ANKFN1: variants seen among roughly 807,000 people sequenced by gnomAD.
ANKFN1 encodes the protein ankyrin repeat and fibronectin type-III domain-containing protein 1.
Under a neutral mutation model 108.7 loss-of-function variants are expected in ANKFN1, and 74 were observed. That is an observed-to-expected ratio of 0.68 (90% confidence interval 0.56 to 0.83). The LOEUF (loss-of-function observed/expected upper bound fraction) is 0.83. ANKFN1 is among the 40% of genes least tolerant of loss of function. The pLI, the probability that ANKFN1 is intolerant of heterozygous loss-of-function variation, is 0.00. For synonymous variants in ANKFN1, 547 were observed against 516.2 expected (o/e 1.06, Z -0.81); for missense variants, 1,505 against 1,382.3 (o/e 1.09, Z -1.41).
chr17:56,197,234 A>G (rs1913603844), intron 1 of ANKFN1, among the ~76,000 whole-genome samples: 1 of 152,192 alleles, frequency 6.6e-6, no homozygotes, highest in Non-Finnish European at 1.5e-5. Context: ...TTATAAAAAC[A>G]CAGACCTATC....
chr17:56,500,133 C>G (rs2051321893), intron 20 of ANKFN1, among the ~76,000 whole-genome samples: 1 of 152,130 alleles, frequency 6.6e-6, no homozygotes, highest in Non-Finnish European at 1.5e-5. Flanking sequence ...GAGAATAATA[C>G]CTATACCTTG....
chr17:56,397,630 T>A (rs1275811222), intron 8 of ANKFN1, among the ~76,000 whole-genome samples: 1 of 152,198 alleles, frequency 6.6e-6, no homozygotes, highest in Non-Finnish European at 1.5e-5. Context: ...TTCTATACAG[T>A]GTGTTAACTA....
intron 20 of ANKFN1, among the ~76,000 whole-genome samples, chr17:56,500,783 A>T (rs2051344088): frequency 6.6e-6 from 1 of 152,210 alleles, no homozygotes; most frequent in Non-Finnish European, 1.5e-5. Context: ...AAAACTATAT[A>T]TTTACTGGCC....
chr17:56,459,432 A>G (rs1015206277), intron 14 of ANKFN1, among the ~76,000 whole-genome samples: 1 of 152,032 alleles, frequency 6.6e-6, no homozygotes, highest in Non-Finnish European at 1.5e-5. Context: ...TTGATTGCAT[A>G]ATCTTCTCTT....
At chr17:56,159,103 A>G (rs1477671852) in intron 1 of ANKFN1, among the ~76,000 whole-genome samples, 1 of 151,790 alleles carries the variant, frequency 6.6e-6, no homozygotes, top group Non-Finnish European at 1.5e-5. Context: ...GAGGAAGAAG[A>G]AGTAGAAGAA....
At chr17:56,228,033 C>T in intron 3 of ANKFN1, 76 bp downstream of exon 3, 1 of 1,237,664 alleles carries the variant, frequency 8.1e-7, no homozygotes, top group African/African-American at 1.5e-5. Context: ...TTTAAGGCTC[C>T]CATCTCACAT....
chr17:56,256,366 C>A (rs1316872888), intron 3 of ANKFN1, among the ~76,000 whole-genome samples: 3 of 152,166 alleles, frequency 2.0e-5, no homozygotes, highest in African/African-American at 7.2e-5. Flanking sequence ...TTCCTCATGG[C>A]AGACAAAAGC....
chr17:56,226,659 G>A (rs79525402), intron 2 of ANKFN1, among the ~76,000 whole-genome samples: 420 of 152,204 alleles, frequency 2.8e-3, no homozygotes, highest in Non-Finnish European at 5.0e-3. Context: ...TTTATCATAT[G>A]TTCTTAATTT....
At chr17:56,181,788 A>G (rs1911701507) in intron 1 of ANKFN1, among the ~76,000 whole-genome samples, 1 of 152,010 alleles carries the variant, frequency 6.6e-6, no homozygotes, top group South Asian at 2.1e-4. Flanking sequence ...GCCTTGTTTT[A>G]TTGTGCTTTG....
At chr17:56,478,724 GA>G (rs143829540) in intron 16 of ANKFN1, among the ~76,000 whole-genome samples, 6 of 145,676 alleles carry the variant, frequency 4.1e-5, no homozygotes, top group Admixed American at 1.4e-4. Flanking sequence ...GAATAGACAA[GA>G]AAAAAAAAAG....
At chr17:56,216,692 T>C (rs1915447959) in intron 2 of ANKFN1, among the ~76,000 whole-genome samples, 1 of 152,206 alleles carries the variant, frequency 6.6e-6, no homozygotes, top group African/African-American at 2.4e-5. Flanking sequence ...CTAATTTCTA[T>C]TTTTTAAACA....
At chr17:56,458,477 TA>T (rs374746116) in intron 14 of ANKFN1, among the ~76,000 whole-genome samples, 2,192 of 148,118 alleles carry the variant, frequency 0.015, 47 homozygotes, top group African/African-American at 0.05. Flanking sequence ...TGCTTACTTA[TA>T]AAAAAAAAAC....
rs372070794 is a variant in ANKFN1, at chr17:56,389,155, A to G, written c.910+14441A>G. 3.9e-5 allele frequency among the ~76,000 whole-genome samples: 6 copies of G among 152,344 alleles called. No homozygotes were observed. In the East Asian group the frequency reaches 7.7e-4, roughly 20 times the overall value. On this transcript the variant is annotated intron_variant, in intron 8 of 20. Coordinates refer to ENST00000682825, the MANE Select transcript of ANKFN1 (RefSeq NM_001370326.1). ...ATACCTAATAGCCAAATTGGAAATAATCCAGATGTCCTTAAATTGGTGAAT... is the reference window on the plus strand; with the variant it reads ...ATACCTAATAGCCAAATTGGAAATAGTCCAGATGTCCTTAAATTGGTGAAT...
At chr17:56,049,073 T>C (rs911799395) in intron 4 of ANKFN1, among the ~76,000 whole-genome samples, 1 of 152,254 alleles carries the variant, frequency 6.6e-6, no homozygotes, top group Non-Finnish European at 1.5e-5. Flanking sequence ...CAAATCAGAT[T>C]TGTAGAATAC....
chr17:56,188,581 GTATATATATATATATATA>G (rs61556880), intron 1 of ANKFN1, among the ~76,000 whole-genome samples: 631 of 49,692 alleles, frequency 0.013, 40 homozygotes, highest in African/African-American at 0.059. Context: ...GTGTGTGTGT[GTATATATATATATATATA>G]TATATATATA....
chr17:56,397,217 C>T (rs1407899511), intron 8 of ANKFN1, among the ~76,000 whole-genome samples: 2 of 152,094 alleles, frequency 1.3e-5, no homozygotes, highest in African/African-American at 2.4e-5. Context: ...AGATGTTAAA[C>T]AGGAACACAT....
chr17:56,097,283 T>G (rs1567786157), intron 4 of ANKFN1, among the ~76,000 whole-genome samples: 1 of 68,886 alleles, frequency 1.5e-5, no homozygotes, highest in African/African-American at 3.6e-5. Context: ...AAATGAAGAT[T>G]TTGAAGATTG....
Position 56,512,981 on chromosome 17 carries a change from T to C in ANKFN1, c.*1712T>C, listed in dbSNP as rs2145507722. On this transcript the variant is annotated 3_prime_UTR_variant, in exon 21 of 21. Transcript: ENST00000682825. ...GGAGGATTTTAAAATGCAATTTTCT[T>C]CTGTCTAAGTGAATTCTATGTGCAT... Among the ~76,000 whole-genome samples the C allele has an allele frequency of 6.6e-6, 1 of 152,310 alleles. No individual in the cohort carries two copies.
chr17:56,086,961 G>A (rs1905326537), intron 4 of ANKFN1, among the ~76,000 whole-genome samples: 1 of 151,332 alleles, frequency 6.6e-6, no homozygotes, highest in Non-Finnish European at 1.5e-5. Flanking sequence ...CTCCTTTTCA[G>A]GCATTTATTA....
Sources: gnomAD v4.1 joint callset for allele counts (sites outside exome capture counted in the v4.1 genomes callset) on GRCh38, gnomAD v4.1.1 for gene constraint, MANE v1.5 for transcripts, NCBI Gene and HGNC (gene_info 2026-07-23, HGNC 2026-07-21) for gene names.